LRP1B: variants seen among roughly 807,000 people sequenced by gnomAD.
The protein encoded by LRP1B is low-density lipoprotein receptor-related protein 1B.
LRP1B carries 217 observed loss-of-function variants against 556.6 expected under a neutral mutation model. The observed-to-expected ratio is 0.39, with a 90% CI of 0.35 to 0.44. LRP1B has a LOEUF of 0.44. Ranked by LOEUF, LRP1B falls within the 20% of genes least tolerant of loss-of-function variation. The pLI is 1.00. For synonymous variants in LRP1B, 2,047 were observed against 1,865.8 expected (o/e 1.10, Z -2.50); for missense variants, 5,053 against 5,620.8 (o/e 0.90, Z 3.23).
chr2:140,732,465 C>G (rs191405377), intron 35 of LRP1B, among the ~76,000 whole-genome samples: 1 of 152,034 alleles, frequency 6.6e-6, no homozygotes, highest in Admixed American at 6.6e-5. Context: ...AGCAGAGAAA[C>G]AGGCTTTAAA....
chr2:140,330,903 G>A (rs977781439), intron 79 of LRP1B, among the ~76,000 whole-genome samples: 2 of 151,910 alleles, frequency 1.3e-5, no homozygotes, highest in East Asian at 1.9e-4. Context: ...AGTGTGCAAA[G>A]GACAAGAACA....
chr2:141,143,501 G>A (rs1558889828), intron 7 of LRP1B, among the ~76,000 whole-genome samples: 1 of 152,068 alleles, frequency 6.6e-6, no homozygotes, highest in Non-Finnish European at 1.5e-5. Flanking sequence ...CATGAAGACA[G>A]AGATGTTATT....
At chr2:141,238,141 T>C (rs1683726914) in intron 5 of LRP1B, among the ~76,000 whole-genome samples, 1 of 152,278 alleles carries the variant, frequency 6.6e-6, no homozygotes, top group East Asian at 1.9e-4. Context: ...TACATGATTA[T>C]TAGAACTAGC....
chr2:141,000,810 T>C (rs1697397324), intron 15 of LRP1B, among the ~76,000 whole-genome samples: 1 of 152,064 alleles, frequency 6.6e-6, no homozygotes, highest in South Asian at 2.1e-4. Flanking sequence ...TTACTTCTGC[T>C]TATCCCAGCT....
At chr2:142,096,808 T>G (rs1706387204) in intron 1 of LRP1B, among the ~76,000 whole-genome samples, 1 of 151,548 alleles carries the variant, frequency 6.6e-6, no homozygotes. Flanking sequence ...GTTTGGGGTA[T>G]GCATGACCCC....
chr2:140,263,176 C>A (rs1190042354), intron 86 of LRP1B, among the ~76,000 whole-genome samples: 2 of 152,218 alleles, frequency 1.3e-5, no homozygotes, highest in South Asian at 2.1e-4. Flanking sequence ...ACCTAGGTAT[C>A]CCAAAGTGCT....
At chr2:141,696,263 G>A (rs1055530617) in intron 2 of LRP1B, among the ~76,000 whole-genome samples, 1 of 151,530 alleles carries the variant, frequency 6.6e-6, no homozygotes, top group Non-Finnish European at 1.5e-5. Flanking sequence ...TCAAACATAG[G>A]GTGCTTATTT....
Position 142,075,471 on chromosome 2 carries a change from G to A in LRP1B, c.82+55177C>T, listed in dbSNP as rs1450456614. 5.3e-5 allele frequency among the ~76,000 whole-genome samples: 8 copies of A among 152,064 alleles called. No homozygotes were observed. In the East Asian group the frequency reaches 1.5e-3, roughly 29 times the overall value. On this transcript the variant is annotated intron_variant, in intron 1 of 90. Coordinates refer to ENST00000389484, the MANE Select transcript of LRP1B (RefSeq NM_018557.3). ...GACTGACATTTCTGTCACATCTAATGTGATACCTGATGTGGCTCAACTTCA... is the reference window on the plus strand; with the variant it reads ...GACTGACATTTCTGTCACATCTAATATGATACCTGATGTGGCTCAACTTCA...
Position 141,614,532 on chromosome 2 carries a change from G to T in LRP1B, c.206-133999C>A, listed in dbSNP as rs146843256. Among the ~76,000 whole-genome samples, 686 of 152,202 alleles carry T rather than the reference G, an allele frequency of 4.5e-3. 4 individuals carry two copies. Among genetic ancestry groups the T allele is most frequent in the African/African-American group, 0.015 (634 of 41,534 alleles). ...AGTTAAGAATGAGGTCATTAGGGTGGACCTTAATACCAATGTGACTGGTAG... is the reference window on the plus strand; with the variant it reads ...AGTTAAGAATGAGGTCATTAGGGTGTACCTTAATACCAATGTGACTGGTAG... On this transcript the variant is annotated intron_variant, in intron 2 of 90. Coordinates refer to ENST00000389484, the MANE Select transcript of LRP1B (RefSeq NM_018557.3).
intron 22 of LRP1B, 131 bp from the exon 23 acceptor site, chr2:140,903,296 T>TG: frequency 9.3e-7 from 1 of 1,072,078 alleles, no homozygotes; most frequent in African/African-American, 1.6e-5. Flanking sequence ...AAGCCCTCTT[T>TG]GGCTTATTTT....
chr2:141,980,153 GT>G (rs1203629217), intron 1 of LRP1B, among the ~76,000 whole-genome samples: 1 of 152,092 alleles, frequency 6.6e-6, no homozygotes, highest in East Asian at 1.9e-4. Context: ...TTACTCTTGA[GT>G]TATTAGCAAT....
intron 1 of LRP1B, among the ~76,000 whole-genome samples, chr2:141,856,950 G>A (rs1698072705): frequency 6.6e-6 from 1 of 151,668 alleles, no homozygotes; most frequent in Non-Finnish European, 1.5e-5. Flanking sequence ...GGCCTGGATC[G>A]GAATCTCTGC....
At chr2:140,306,274 G>A (rs1187625797) in intron 83 of LRP1B, among the ~76,000 whole-genome samples, 5 of 151,876 alleles carry the variant, frequency 3.3e-5, no homozygotes, top group African/African-American at 1.2e-4. Flanking sequence ...CTGTGAATCT[G>A]TCTGGTCCTG....
intron 7 of LRP1B, among the ~76,000 whole-genome samples, chr2:141,182,819 G>C (rs115681004): frequency 5.7e-4 from 86 of 151,660 alleles, no homozygotes; most frequent in African/African-American, 2.0e-3. Context: ...CTTTTGTTAC[G>C]GGGGGGAGTT....
At chr2:140,294,117 C>T (rs922718562) in intron 84 of LRP1B, among the ~76,000 whole-genome samples, 38 of 151,976 alleles carry the variant, frequency 2.5e-4, no homozygotes, top group Non-Finnish European at 3.8e-4. Flanking sequence ...TATTTTTAAA[C>T]TTAGTTTAAA....
At chr2:140,828,000 A>T (rs904532966) in intron 31 of LRP1B, among the ~76,000 whole-genome samples, 19 of 152,156 alleles carry the variant, frequency 1.2e-4, no homozygotes, top group African/African-American at 4.3e-4. Flanking sequence ...CTGCTGAGCA[A>T]GAATACTGTA....
chr2:141,459,198 G>A (rs7605083), intron 3 of LRP1B, among the ~76,000 whole-genome samples: 109,233 of 152,032 alleles, frequency 0.72, 41,953 homozygotes, highest in Non-Finnish European at 0.85. Flanking sequence ...GATTACACAA[G>A]TGTCTTCAAC....
chr2:140,406,106 C>T (rs7567150), intron 66 of LRP1B, among the ~76,000 whole-genome samples: 101,731 of 151,968 alleles, frequency 0.67, 34,407 homozygotes, highest in Non-Finnish European at 0.73. Flanking sequence ...ATCATCTTAA[C>T]TGATACAGAA....
chr2:140,955,856 G>A (rs1695856208), intron 18 of LRP1B, among the ~76,000 whole-genome samples: 1 of 151,478 alleles, frequency 6.6e-6, no homozygotes, highest in South Asian at 2.1e-4. Flanking sequence ...TCTGACCTAG[G>A]AATTTTCCTT....
Sources: gnomAD v4.1 joint callset for allele counts (sites outside exome capture counted in the v4.1 genomes callset) on GRCh38, gnomAD v4.1.1 for gene constraint, MANE v1.5 for transcripts, NCBI Gene and HGNC (gene_info 2026-07-23, HGNC 2026-07-21) for gene names.